RABGAP1L: variants seen among roughly 807,000 people sequenced by gnomAD.
RABGAP1L encodes RAB GTPase activating protein 1 like.
A neutral mutation model predicts 137.7 loss-of-function variants in RABGAP1L; 63 were observed. That is an observed-to-expected ratio of 0.46 (90% confidence interval 0.37 to 0.56). The LOEUF (loss-of-function observed/expected upper bound fraction) is 0.56, where lower values mean the gene tolerates loss of function less well. Among genes scored for constraint, RABGAP1L ranks in the 20% least tolerant of loss-of-function variants. RABGAP1L has a pLI of 0.00. For synonymous variants in RABGAP1L, 431 were observed against 433.7 expected (o/e 0.99, Z 0.08); for missense variants, 1,095 against 1,244.0 (o/e 0.88, Z 1.80).
intron 18 of RABGAP1L, among the ~76,000 whole-genome samples, chr1:174,788,725 A>T (rs1413173098): frequency 2.0e-5 from 3 of 152,110 alleles, no homozygotes; most frequent in African/African-American, 7.2e-5. Context: ...CCTATTGGAC[A>T]CATTGGGATG....
At chr1:174,443,508 A>G (rs1341734465) in intron 13 of RABGAP1L, among the ~76,000 whole-genome samples, 6 of 152,052 alleles carry the variant, frequency 3.9e-5, no homozygotes, top group Non-Finnish European at 5.9e-5. Flanking sequence ...ACTCTTGGCA[A>G]TTTCTATGTC....
At chr1:174,178,725 C>A (rs558600531) in intron 1 of RABGAP1L, among the ~76,000 whole-genome samples, 1 of 152,236 alleles carries the variant, frequency 6.6e-6, no homozygotes, top group African/African-American at 2.4e-5. Context: ...AACAAACTAA[C>A]AAAGGAACAG....
chr1:174,627,355 T>C (rs1241406429), intron 13 of RABGAP1L, among the ~76,000 whole-genome samples: 1 of 152,222 alleles, frequency 6.6e-6, no homozygotes, highest in Non-Finnish European at 1.5e-5. Flanking sequence ...CTAATGCTTG[T>C]TGACACTTCA....
intron 13 of RABGAP1L, among the ~76,000 whole-genome samples, chr1:174,426,844 T>C (rs1652016354): frequency 6.6e-6 from 1 of 152,136 alleles, no homozygotes; most frequent in South Asian, 2.1e-4. Flanking sequence ...TAAGTGTTGC[T>C]GTGAGTCTAT....
intron 13 of RABGAP1L, among the ~76,000 whole-genome samples, chr1:174,580,129 A>G (rs1385048019): frequency 6.6e-6 from 1 of 151,288 alleles, no homozygotes; most frequent in Non-Finnish European, 1.5e-5. Flanking sequence ...AATATAAAAC[A>G]TAAACTGGAC....
intron 21 of RABGAP1L, among the ~76,000 whole-genome samples, chr1:174,971,024 C>T (rs905059275): frequency 2.0e-5 from 3 of 151,096 alleles, no homozygotes; most frequent in Non-Finnish European, 2.9e-5. Flanking sequence ...GGGAAGGGGA[C>T]CATAGTATAC....
chr1:174,968,862 T>A (rs1660669193), intron 20 of RABGAP1L, among the ~76,000 whole-genome samples: 1 of 152,208 alleles, frequency 6.6e-6, no homozygotes, highest in African/African-American at 2.4e-5. Context: ...TCTGGTGGTT[T>A]TCCCCTGTTT....
intron 5 of RABGAP1L, chr1:174,244,293 C>T (rs1295717083): frequency 2.0e-5 from 3 of 152,230 alleles, no homozygotes; most frequent in South Asian, 2.1e-4. Context: ...TTTTTATTTT[C>T]GCAGAGTTCG....
At chr1:174,731,346 G>A (rs886637486) in intron 17 of RABGAP1L, among the ~76,000 whole-genome samples, 2 of 152,160 alleles carry the variant, frequency 1.3e-5, no homozygotes, top group Admixed American at 6.5e-5. Context: ...TGTCATGAAA[G>A]CTACTAGGAT....
chr1:174,958,059 C>A, intron 20 of RABGAP1L: 1 of 1,525,362 alleles, frequency 6.6e-7, no homozygotes, highest in Non-Finnish European at 8.8e-7. Context: ...TCCACAAAGA[C>A]TTTTAGCAGG....
intron 15 of RABGAP1L, among the ~76,000 whole-genome samples, chr1:174,691,215 A>G (rs1405512261): frequency 6.6e-6 from 1 of 152,226 alleles, no homozygotes; most frequent in African/African-American, 2.4e-5. Flanking sequence ...AAAAGATGTG[A>G]AACACATCAT....
rs926850370 is a variant in RABGAP1L, at chr1:174,398,823, C to T, written c.1710+4678C>T. Among the ~76,000 whole-genome samples, 13 of 152,230 alleles carry T rather than the reference C, an allele frequency of 8.5e-5. No individual in the cohort carries two copies. The East Asian group carries it at 2.5e-3, about 29-fold the overall frequency. ...AAACTACCTTTCTGTTCCCCAACTG[C>T]CTCTTAATAGTGACACTAGTTGAGA... On this transcript the variant is annotated intron_variant, in intron 13 of 25. Transcript: ENST00000681986.
Position 174,636,528 on chromosome 1 carries a change from A to T in RABGAP1L, c.1711-847A>T, listed in dbSNP as rs1276984971. On this transcript the variant is annotated intron_variant, in intron 13 of 25. Transcript: ENST00000681986. ...GGGCAACAGTGTGAGACTCTACTTC[A>T]AAAAAAAAAAAAAAAGAGATCATCT... Among the ~76,000 whole-genome samples, 14 of 28,224 alleles carry T rather than the reference A, an allele frequency of 5.0e-4. No homozygotes were observed. The South Asian group carries it at 0.013, about 26-fold the overall frequency. The allele number at this position is 28,224 out of a possible 152,430, so 18.5% of individuals were successfully genotyped here. A position where few individuals can be genotyped will look rare whatever the true frequency, so the allele number is the denominator to read the frequency against.
intron 13 of RABGAP1L, among the ~76,000 whole-genome samples, chr1:174,468,246 G>A (rs1028969591): frequency 5.9e-5 from 9 of 151,956 alleles, no homozygotes; most frequent in Non-Finnish European, 5.9e-5. Context: ...GTAACCATTA[G>A]GATAAACAAA....
chr1:174,726,926 T>C (rs1682035460), intron 17 of RABGAP1L, among the ~76,000 whole-genome samples: 2 of 152,216 alleles, frequency 1.3e-5, no homozygotes, highest in Admixed American at 1.3e-4. Flanking sequence ...TTGGTACTCA[T>C]CGTGTTCTGT....
chr1:174,315,953 C>T (rs908996680), intron 11 of RABGAP1L, among the ~76,000 whole-genome samples: 4 of 152,036 alleles, frequency 2.6e-5, no homozygotes, highest in African/African-American at 9.7e-5. Flanking sequence ...GCTTCTCTGA[C>T]TGTATTTTCA....
intron 14 of RABGAP1L, among the ~76,000 whole-genome samples, chr1:174,675,917 T>A (rs527559291): frequency 6.6e-6 from 1 of 152,176 alleles, no homozygotes; most frequent in South Asian, 2.1e-4. Flanking sequence ...CTTATTCATA[T>A]GTAACAAAAA....
chr1:174,165,950 G>GA (rs1177008407), intron 1 of RABGAP1L, among the ~76,000 whole-genome samples: 1 of 152,216 alleles, frequency 6.6e-6, no homozygotes, highest in Non-Finnish European at 1.5e-5. Flanking sequence ...AGCTAGGCAA[G>GA]AAAGAGTCCG....
At chr1:174,444,972 T>G (rs1300020324) in intron 13 of RABGAP1L, among the ~76,000 whole-genome samples, 1 of 152,120 alleles carries the variant, frequency 6.6e-6, no homozygotes, top group Non-Finnish European at 1.5e-5. Context: ...AGTCTGTGAT[T>G]ATAGGCAAGT....
Sources: allele counts gnomAD v4.1 joint callset (sites outside exome capture counted in the v4.1 genomes callset), GRCh38; gene constraint gnomAD v4.1.1; transcripts MANE v1.5; gene names NCBI Gene and HGNC (gene_info 2026-07-23, HGNC 2026-07-21).